Variants in SAMSN1 observed in about 807,000 individuals in gnomAD.
SAMSN1 encodes the protein SAM domain-containing protein SAMSN-1.
SAMSN1 carries 31 observed loss-of-function variants against 42.0 expected under a neutral mutation model. The ratio of observed to expected loss-of-function variants is 0.74; its 90% CI spans 0.55 to 1.00. The LOEUF is 1.00. SAMSN1 is among the 50% of genes least tolerant of loss of function. The pLI is 0.00. For synonymous variants in SAMSN1, 178 were observed against 151.9 expected, an observed-to-expected ratio of 1.17 and a Z score of -1.26; for missense variants, 464 against 439.4, an observed-to-expected ratio of 1.06 and a Z score of -0.50.
intron 3 of SAMSN1, among the ~76,000 whole-genome samples, chr21:14,613,190 A>G (rs1268095054): frequency 3.9e-5 from 6 of 152,210 alleles, no homozygotes; most frequent in African/African-American, 1.4e-4. Context: ...GTATCTCAGG[A>G]TAACCAAATA....
chr21:14,576,401 G>A (rs1484689929), intron 2 of SAMSN1, among the ~76,000 whole-genome samples: 2 of 152,098 alleles, frequency 1.3e-5, no homozygotes, highest in East Asian at 1.9e-4. Flanking sequence ...AGCTTATCCC[G>A]GTTAAGCTGT....
At chr21:14,553,696 T>C (rs762864829) in intron 2 of SAMSN1, among the ~76,000 whole-genome samples, 13 of 152,134 alleles carry the variant, frequency 8.5e-5, no homozygotes, top group Non-Finnish European at 1.8e-4. Context: ...CTGGAAATCA[T>C]TTTTTTCTCA....
At chr21:14,537,910 A>C (rs1017461957) in intron 1 of SAMSN1, among the ~76,000 whole-genome samples, 1 of 152,210 alleles carries the variant, frequency 6.6e-6, no homozygotes, top group South Asian at 2.1e-4. Flanking sequence ...CTGTTGCTCT[A>C]TAGGACCACA....
intron 2 of SAMSN1, among the ~76,000 whole-genome samples, chr21:14,575,813 T>A (rs917991622): frequency 6.6e-6 from 1 of 152,212 alleles, no homozygotes; most frequent in African/African-American, 2.4e-5. Flanking sequence ...TTGTTTTTCC[T>A]TTTTCCTAAA....
At chr21:14,619,522 A>C in intron 2 of SAMSN1, 1 of 179,568 alleles carries the variant, frequency 5.6e-6, no homozygotes, top group South Asian at 1.3e-4. Context: ...AAACATTTCT[A>C]ATGTATTTTT....
At chr21:14,547,769 C>G (rs982818772), upstream of SAMSN1, among the ~76,000 whole-genome samples, 2 of 152,090 alleles carry the variant, frequency 1.3e-5, no homozygotes, top group African/African-American at 4.8e-5. Flanking sequence ...AATTGATTGT[C>G]TATTATGTGC....
chr21:14,506,480 C>T lies in SAMSN1; in HGVS notation c.561+3830G>A, dbSNP rs141196637. On this transcript the variant is annotated intron_variant, in intron 5 of 7. Transcript: ENST00000400566. ...AAATTCCTGGAAAGATACAACTCTC[C>T]TAGCTTAAATCAGGAAAAATTAGAT... is the stretch of plus-strand genomic sequence containing the variant. Among the ~76,000 whole-genome samples the T allele has an allele frequency of 2.8e-3, 432 of 152,162 alleles. 1 individual carries two copies. In the Middle Eastern group the frequency reaches 0.041, roughly 14 times the overall value.
In SAMSN1 at chr21:14,597,240, C is replaced by A. The variant is rs139970247; in HGVS notation, c.400-3162G>T. On this transcript the variant is annotated intron_variant, in intron 6 of 15. Coordinates refer to the SAMSN1 transcript ENST00000647101. ...TGCTTGTTAATATATCACAGCATAACCTTAAATTATTTCTCCAGTGACCCA... is the reference window on the plus strand; with the variant it reads ...TGCTTGTTAATATATCACAGCATAAACTTAAATTATTTCTCCAGTGACCCA... Among the ~76,000 whole-genome samples, 93 of 152,090 alleles carry A rather than the reference C, an allele frequency of 6.1e-4. 3 individuals carry two copies. In the East Asian group the frequency reaches 0.017, roughly 28 times the overall value.
At chr21:14,500,787 G>T (rs2123689054) in intron 5 of SAMSN1, 52 bp from the exon 6 acceptor site, 1 of 1,335,000 alleles carries the variant, frequency 7.5e-7, no homozygotes, top group East Asian at 2.3e-5. Context: ...CTCACTGATA[G>T]AAAGAATGAA....
intron 2 of SAMSN1, among the ~76,000 whole-genome samples, chr21:14,616,255 G>A (rs938999802): frequency 2.6e-5 from 4 of 151,780 alleles, no homozygotes; most frequent in African/African-American, 9.7e-5. Flanking sequence ...CTTTGAGAAA[G>A]GTAGGATATT....
At chr21:14,583,622 T>C (rs150896951), upstream of SAMSN1, 14 of 715,682 alleles carry the variant, frequency 2.0e-5, no homozygotes, top group African/African-American at 2.4e-4. Context: ...TCAAAGGAGT[T>C]TTAACAGCTT....
intron 6 of SAMSN1, among the ~76,000 whole-genome samples, chr21:14,598,573 A>G (rs1982339333): frequency 6.6e-6 from 1 of 152,186 alleles, no homozygotes. Context: ...CTAACTATGC[A>G]GAAATATACG....
chr21:14,610,798 G>A (rs375533418), intron 4 of SAMSN1, among the ~76,000 whole-genome samples: 9 of 152,186 alleles, frequency 5.9e-5, no homozygotes, highest in East Asian at 3.8e-4. Flanking sequence ...CAGGTATCCT[G>A]TGGGCTACCC....
intron 5 of SAMSN1, among the ~76,000 whole-genome samples, chr21:14,603,478 G>A (rs1310473429): frequency 6.6e-6 from 1 of 152,164 alleles, no homozygotes; most frequent in Non-Finnish European, 1.5e-5. Context: ...CTTGAAGAAT[G>A]GATACAGTTT....
intron 2 of SAMSN1, chr21:14,616,051 AATAAC>A (rs1982829118): frequency 1.8e-6 from 1 of 561,166 alleles, no homozygotes; most frequent in East Asian, 2.9e-5. Context: ...AAATAAAATA[AATAAC>A]ATAAAATAAG....
At chr21:14,612,517 A>T (rs17003773) in intron 4 of SAMSN1, 4,435 of 396,882 alleles carry the variant, frequency 0.011, 180 homozygotes, top group African/African-American at 0.086. Flanking sequence ...CTTTCTGCTA[A>T]TTTTTTATTG....
chr21:14,565,223 G>A (rs141518398), intron 2 of SAMSN1, among the ~76,000 whole-genome samples: 5,840 of 150,374 alleles, frequency 0.039, 150 homozygotes, highest in African/African-American at 0.069. Context: ...TTTAACCTGG[G>A]AGGCGGAGGT....
At chr21:14,586,806 T>A (rs915029073), upstream of SAMSN1, among the ~76,000 whole-genome samples, 2 of 152,178 alleles carry the variant, frequency 1.3e-5, no homozygotes, top group Non-Finnish European at 2.9e-5. Context: ...ATTCAGCAGA[T>A]GGTCAGAAAG....
intron 4 of SAMSN1, among the ~76,000 whole-genome samples, chr21:14,512,189 T>A (rs1048981893): frequency 6.6e-6 from 1 of 152,250 alleles, no homozygotes; most frequent in East Asian, 1.9e-4. Context: ...TCTCCTAATA[T>A]GGCTTTTTTG....
Sources: allele counts gnomAD v4.1 joint callset (sites outside exome capture counted in the v4.1 genomes callset), GRCh38; gene constraint gnomAD v4.1.1; transcripts MANE v1.5; gene names NCBI Gene and HGNC (gene_info 2026-07-23, HGNC 2026-07-21).